The following ALK variants were observed in gnomAD, a reference collection of about 807,000 sequenced individuals.
The protein encoded by ALK is ALK tyrosine kinase receptor.
A neutral mutation model predicts 163.1 loss-of-function variants in ALK; 74 were observed. The observed-to-expected ratio is 0.45, with a 90% CI of 0.38 to 0.55. The LOEUF is 0.55. Ranked by LOEUF, ALK falls within the 20% of genes least tolerant of loss-of-function variation. ALK has a pLI of 0.00. For synonymous variants in ALK, 960 were observed against 843.2 expected, an observed-to-expected ratio of 1.14 and a Z score of -2.40; for missense variants, 2,063 against 2,105.3, an observed-to-expected ratio of 0.98 and a Z score of 0.39.
intron 4 of ALK, among the ~76,000 whole-genome samples, chr2:29,440,619 T>C (rs1670517789): frequency 6.6e-6 from 1 of 152,218 alleles, no homozygotes; most frequent in Non-Finnish European, 1.5e-5. Flanking sequence ...GCCTGGCTGA[T>C]GAATCAATTC....
chr2:29,894,188 G>A (rs1667214159), intron 1 of ALK, among the ~76,000 whole-genome samples: 1 of 152,212 alleles, frequency 6.6e-6, no homozygotes, highest in Admixed American at 6.5e-5. Context: ...TCTGAGGGCA[G>A]GGGCCATGTC....
intron 2 of ALK, among the ~76,000 whole-genome samples, chr2:29,717,171 C>CA (rs754615995): frequency 0.028 from 1,970 of 70,526 alleles, 202 homozygotes; most frequent in African/African-American, 0.12. Context: ...GACTCTGTCT[C>CA]AAAAAAAAAA....
intron 4 of ALK, among the ~76,000 whole-genome samples, chr2:29,480,758 G>C (rs909661105): frequency 3.5e-5 from 5 of 141,838 alleles, no homozygotes; most frequent in Non-Finnish European, 7.5e-5. Flanking sequence ...ATGCAAAAGT[G>C]GGAACTCAGA....
Position 29,871,181 on chromosome 2 carries a change from A to G in ALK, c.667+48812T>C, listed in dbSNP as rs183302214. ...GTTAGGATGCCTGACTGCAGAGGAGAGATCCCTGGTGACATTAAGCCTACA... is the reference window on the plus strand; with the variant it reads ...GTTAGGATGCCTGACTGCAGAGGAGGGATCCCTGGTGACATTAAGCCTACA... On this transcript the variant is annotated intron_variant, in intron 1 of 28. Coordinates refer to ENST00000389048, the MANE Select transcript of ALK (RefSeq NM_004304.5). 5.9e-5 allele frequency among the ~76,000 whole-genome samples: 9 copies of G among 152,268 alleles called. No individual in the cohort carries two copies. In the East Asian group the frequency reaches 1.7e-3, roughly 29 times the overall value.
At chr2:29,304,583 C>T (rs892883442) in intron 8 of ALK, among the ~76,000 whole-genome samples, 4 of 152,122 alleles carry the variant, frequency 2.6e-5, no homozygotes, top group Non-Finnish European at 5.9e-5. Flanking sequence ...GTGACTCATC[C>T]CATGACCTTT....
chr2:29,916,116 A>G (rs1667827222), intron 1 of ALK, among the ~76,000 whole-genome samples: 1 of 152,180 alleles, frequency 6.6e-6, no homozygotes, highest in Non-Finnish European at 1.5e-5. Flanking sequence ...AAAATATAGA[A>G]CTGATTAATT....
chr2:29,670,489 T>G (rs887179965), intron 3 of ALK, among the ~76,000 whole-genome samples: 1 of 152,172 alleles, frequency 6.6e-6, no homozygotes, highest in African/African-American at 2.4e-5. Context: ...ATTATATACC[T>G]TGGTGTGGTC....
At chr2:29,807,971 T>C (rs1373486829) in intron 1 of ALK, among the ~76,000 whole-genome samples, 2 of 152,092 alleles carry the variant, frequency 1.3e-5, no homozygotes, top group African/African-American at 4.8e-5. Flanking sequence ...GCCAAGCTCC[T>C]TTTTTTAACA....
At chr2:29,243,762 T>C (rs1013645625) in intron 12 of ALK, among the ~76,000 whole-genome samples, 2 of 152,222 alleles carry the variant, frequency 1.3e-5, no homozygotes, top group Non-Finnish European at 2.9e-5. Flanking sequence ...TTCCCATCCC[T>C]TGTAAACAAT....
At chr2:29,697,477 T>A (rs1440301568) in intron 2 of ALK, among the ~76,000 whole-genome samples, 1 of 152,212 alleles carries the variant, frequency 6.6e-6, no homozygotes, top group Non-Finnish European at 1.5e-5. Context: ...ACTCAGCTTT[T>A]CTTCCCCTTC....
At chr2:29,439,994 G>T (rs193166116) in intron 4 of ALK, among the ~76,000 whole-genome samples, 1 of 152,248 alleles carries the variant, frequency 6.6e-6, no homozygotes, top group East Asian at 1.9e-4. Context: ...CACTTTGGGA[G>T]GCCAAGGCAG....
At chr2:29,771,319 T>G (rs1268373767) in intron 1 of ALK, among the ~76,000 whole-genome samples, 1 of 152,138 alleles carries the variant, frequency 6.6e-6, no homozygotes, top group Non-Finnish European at 1.5e-5. Flanking sequence ...TGAAATAAAC[T>G]CAAACCATAA....
At chr2:29,391,313 G>GGGT (rs1669165958) in intron 4 of ALK, among the ~76,000 whole-genome samples, 2 of 147,680 alleles carry the variant, frequency 1.4e-5, no homozygotes, top group African/African-American at 2.5e-5. Flanking sequence ...TTTGGGGGGG[G>GGGT]GGTGGTGGTG....
Position 29,859,009 on chromosome 2 carries a change from A to G in ALK, c.667+60984T>C, listed in dbSNP as rs10200510. Among the ~76,000 whole-genome samples the G allele has an allele frequency of 7.8e-3, 1,177 of 151,252 alleles. 7 individuals carry two copies. Among genetic ancestry groups the G allele is most frequent in the African/African-American group, 0.027 (1,107 of 41,152 alleles). On this transcript the variant is annotated intron_variant, in intron 1 of 28. Transcript: ENST00000389048. ...GATTACATCACTGCACTCCAGCCTG[A>G]GCAACAGAGCAAGACTCTGTCTCAA...
At chr2:29,847,409 A>G (rs2148398499) in intron 1 of ALK, among the ~76,000 whole-genome samples, 1 of 152,260 alleles carries the variant, frequency 6.6e-6, no homozygotes, top group African/African-American at 2.4e-5. Flanking sequence ...CTAGAAACCA[A>G]CAGGGGATTT....
intron 3 of ALK, among the ~76,000 whole-genome samples, chr2:29,571,412 G>C (rs1367053739): frequency 6.6e-6 from 1 of 152,088 alleles, no homozygotes. Context: ...CTGTTCTTGT[G>C]ATAGTGAGTT....
At chr2:29,214,204 C>T in intron 23 of ALK, 123 bp from the exon 24 acceptor site, 1 of 812,522 alleles carries the variant, frequency 1.2e-6, no homozygotes, top group Non-Finnish European at 2.1e-6. Context: ...CACCAGGGGC[C>T]TCGGCCCTGG....
intron 1 of ALK, among the ~76,000 whole-genome samples, chr2:29,905,069 G>C (rs969687929): frequency 3.9e-5 from 6 of 152,196 alleles, no homozygotes; most frequent in African/African-American, 1.2e-4. Context: ...TGTGGGTTGT[G>C]GGTCCTTCTC....
chr2:29,202,033 T>TC, intron 26 of ALK, among the ~76,000 whole-genome samples: 1 of 152,168 alleles, frequency 6.6e-6, no homozygotes, highest in East Asian at 1.9e-4. Context: ...AAAATCCACA[T>TC]CCCCCATCTG....
Sources: gnomAD v4.1 joint callset for allele counts (sites outside exome capture counted in the v4.1 genomes callset) on GRCh38, gnomAD v4.1.1 for gene constraint, MANE v1.5 for transcripts, NCBI Gene and HGNC (gene_info 2026-07-23, HGNC 2026-07-21) for gene names.